The following NR3C2 variants were observed in gnomAD, a reference collection of about 807,000 sequenced individuals.
NR3C2 encodes the protein nuclear receptor subfamily 3 group C member 2, also known as mineralocorticoid receptor.
A neutral mutation model predicts 86.4 loss-of-function variants in NR3C2; 15 were observed. The ratio of observed to expected loss-of-function variants is 0.17; its 90% CI spans 0.12 to 0.27. The LOEUF is 0.27. Ranked by LOEUF, NR3C2 falls within the 10% of genes least tolerant of loss-of-function variation. The pLI, the probability that NR3C2 is intolerant of heterozygous loss-of-function variation, is 1.00. For synonymous variants in NR3C2, 458 were observed against 450.5 expected (o/e 1.02, Z -0.21); for missense variants, 960 against 1,195.6 (o/e 0.80, Z 2.91).
chr4:148,243,003 G>T (rs189713492), intron 3 of NR3C2, among the ~76,000 whole-genome samples: 143 of 150,778 alleles, frequency 9.5e-4, no homozygotes, highest in African/African-American at 3.3e-3. Flanking sequence ...TAGGTGGCAG[G>T]ATTTCTTCAT....
intron 2 of NR3C2, among the ~76,000 whole-genome samples, chr4:148,289,273 C>CAAAA (rs34696054): frequency 7.6e-6 from 1 of 130,844 alleles, no homozygotes; most frequent in Admixed American, 7.7e-5. Context: ...TATTTACAGC[C>CAAAA]AAAAAAAAAA....
At chr4:148,360,837 C>T (rs1180555323) in intron 2 of NR3C2, among the ~76,000 whole-genome samples, 3 of 151,986 alleles carry the variant, frequency 2.0e-5, no homozygotes, top group Non-Finnish European at 2.9e-5. Context: ...ACTTATAACA[C>T]AATATTAAGT....
intron 2 of NR3C2, among the ~76,000 whole-genome samples, chr4:148,397,146 G>A (rs1747898772): frequency 6.6e-6 from 1 of 152,204 alleles, no homozygotes; most frequent in Non-Finnish European, 1.5e-5. Flanking sequence ...CCCATGATGG[G>A]AAATGTGGCC....
chr4:148,166,379 G>A (rs1734878426), intron 4 of NR3C2, among the ~76,000 whole-genome samples: 1 of 152,218 alleles, frequency 6.6e-6, no homozygotes, highest in African/African-American at 2.4e-5. Context: ...ACGCCAGAGT[G>A]GCCAGAATGG....
rs534261944 is a variant in NR3C2, at chr4:148,213,860, G to A, written c.1898-18998C>T. Among the ~76,000 whole-genome samples the A allele has an allele frequency of 3.0e-4, 46 of 152,260 alleles. No individual in the cohort carries two copies. In the South Asian group the frequency reaches 9.1e-3, roughly 30 times the overall value. Reference sequence around the variant, plus strand: ...TATGGAATACTTTACAACTTACATAGTCCCCTTTTTCTTGAGCTCCAAAAG... The same window carrying A: ...TATGGAATACTTTACAACTTACATAATCCCCTTTTTCTTGAGCTCCAAAAG... On this transcript the variant is annotated intron_variant, in intron 3 of 8. Coordinates refer to ENST00000358102, the MANE Select transcript of NR3C2 (RefSeq NM_000901.5).
chr4:148,199,555 T>C (rs1161657520), intron 3 of NR3C2, among the ~76,000 whole-genome samples: 1 of 152,140 alleles, frequency 6.6e-6, no homozygotes, highest in Non-Finnish European at 1.5e-5. Flanking sequence ...CCTGGGAGAC[T>C]GAATTCCATT....
At chr4:148,437,519 A>G (rs6822758) in intron 1 of NR3C2, among the ~76,000 whole-genome samples, 2,471 of 152,336 alleles carry the variant, frequency 0.016, 56 homozygotes, top group African/African-American at 0.057. Context: ...GAAAAGATCT[A>G]TACATTCTGA....
intron 3 of NR3C2, chr4:148,200,981 A>G (rs927974954): frequency 6.6e-6 from 1 of 152,204 alleles, no homozygotes; most frequent in African/African-American, 2.4e-5. Context: ...AAAGAAAGAG[A>G]AACATTTTGG....
chr4:148,080,884 GTGT>G lies in NR3C2; in HGVS notation c.*457_*459del, dbSNP rs770623134. On this transcript the variant is annotated 3_prime_UTR_variant, in exon 9 of 9. Transcript: ENST00000358102. ...GTATATATTTTTTTATTATTTTTTT[GTGT>G]TTTTTTAATAACAAAAGAATATTAA... 11 of 361,032 alleles carry G rather than the reference GTGT, an allele frequency of 3.0e-5. No homozygotes were observed. Among genetic ancestry groups the G allele is most frequent in the Admixed American group, 3.4e-5 (1 of 29,268 alleles). The allele number at this position is 361,032 out of a possible 1,614,324, so 22.4% of individuals were successfully genotyped here.
At chr4:148,418,035 T>C (rs1749096196) in intron 2 of NR3C2, among the ~76,000 whole-genome samples, 1 of 152,132 alleles carries the variant, frequency 6.6e-6, no homozygotes, top group Admixed American at 6.5e-5. Flanking sequence ...GCCAAGTAAT[T>C]TGTTAATAAT....
intron 4 of NR3C2, among the ~76,000 whole-genome samples, chr4:148,184,375 C>T (rs1186781063): frequency 3.3e-5 from 5 of 151,602 alleles, no homozygotes; most frequent in African/African-American, 1.2e-4. Context: ...AGGAGAATCG[C>T]TTGAACCCGG....
intron 2 of NR3C2, among the ~76,000 whole-genome samples, chr4:148,341,082 A>G (rs1036706390): frequency 3.9e-5 from 6 of 152,152 alleles, no homozygotes; most frequent in African/African-American, 1.2e-4. Context: ...AAAAAACTAA[A>G]GATAGAAATA....
chr4:148,243,727 A>G (rs1464327985), intron 3 of NR3C2, among the ~76,000 whole-genome samples: 1 of 152,242 alleles, frequency 6.6e-6, no homozygotes, highest in Non-Finnish European at 1.5e-5. Flanking sequence ...AAGAAAATAT[A>G]CAATGACACA....
chr4:148,371,035 T>C (rs1459788883), intron 2 of NR3C2, among the ~76,000 whole-genome samples: 4 of 152,176 alleles, frequency 2.6e-5, no homozygotes, highest in African/African-American at 9.7e-5. Context: ...TCTGGCTCCC[T>C]GTATTTAATT....
At chr4:148,098,112 G>T (rs1056156121) in intron 8 of NR3C2, among the ~76,000 whole-genome samples, 2 of 152,098 alleles carry the variant, frequency 1.3e-5, no homozygotes, top group East Asian at 3.9e-4. Flanking sequence ...GTGTGACTCT[G>T]ATTAAACCTC....
chr4:148,313,062 C>T (rs1742981604), intron 2 of NR3C2, among the ~76,000 whole-genome samples: 1 of 152,096 alleles, frequency 6.6e-6, no homozygotes, highest in Admixed American at 6.6e-5. Context: ...GTTTAAATGA[C>T]CCAGGACTTT....
At chr4:148,179,133 G>T (rs1209474586) in intron 4 of NR3C2, among the ~76,000 whole-genome samples, 1 of 151,442 alleles carries the variant, frequency 6.6e-6, no homozygotes, top group Non-Finnish European at 1.5e-5. Context: ...ACCACAAAAC[G>T]ATTTTAACAG....
chr4:148,130,798 TGTTTTGTTTTG>T (rs1732990034), intron 6 of NR3C2, among the ~76,000 whole-genome samples: 1 of 60,428 alleles, frequency 1.7e-5, no homozygotes, highest in African/African-American at 4.9e-5. Flanking sequence ...TTTTTTTTTT[TGTTTTGTTTTG>T]TTTTGTTTTG....
At chr4:148,305,008 C>G (rs1163754481) in intron 2 of NR3C2, among the ~76,000 whole-genome samples, 3 of 142,034 alleles carry the variant, frequency 2.1e-5, no homozygotes, top group African/African-American at 8.0e-5. Context: ...CAGGTTTTAG[C>G]TGAACTAACG....
Sources: allele counts gnomAD v4.1 joint callset (sites outside exome capture counted in the v4.1 genomes callset), GRCh38; gene constraint gnomAD v4.1.1; transcripts MANE v1.5; gene names NCBI Gene and HGNC (gene_info 2026-07-23, HGNC 2026-07-21).